Variants in WDR7 observed in about 807,000 individuals in gnomAD.
The protein encoded by WDR7 is WD repeat domain 7, also known as WD repeat-containing protein 7.
In WDR7, 46 loss-of-function variants were observed where a neutral mutation model predicts 169.4. That is an observed-to-expected ratio of 0.27 (90% CI 0.21 to 0.35). The LOEUF is 0.35. Among genes scored for constraint, WDR7 ranks in the 10% least tolerant of loss-of-function variants. The pLI, the probability that WDR7 is intolerant of heterozygous loss-of-function variation, is 1.00. For synonymous variants in WDR7, 612 were observed against 666.8 expected (o/e 0.92, Z 1.27); for missense variants, 1,534 against 1,859.3 (o/e 0.83, Z 3.22).
chr18:56,673,169 A>ACC (rs1360680554), intron 2 of WDR7, among the ~76,000 whole-genome samples: 1 of 151,454 alleles, frequency 6.6e-6, no homozygotes, highest in East Asian at 1.9e-4. Context: ...GGACACACAC[A>ACC]CACACACACA....
chr18:56,737,855 T>C (rs2026734389), intron 14 of WDR7, among the ~76,000 whole-genome samples: 1 of 152,308 alleles, frequency 6.6e-6, no homozygotes, highest in Middle Eastern at 3.4e-3. Context: ...CTTAGAAGAA[T>C]TCTTATGATA....
intron 1 of WDR7, among the ~76,000 whole-genome samples, chr18:56,654,514 A>G (rs1427554316): frequency 6.6e-6 from 1 of 151,760 alleles, no homozygotes; most frequent in Non-Finnish European, 1.5e-5. Flanking sequence ...ACCCATTTTT[A>G]TTTTGGGGTT....
intron 25 of WDR7, among the ~76,000 whole-genome samples, chr18:56,949,264 T>C (rs1465955153): frequency 6.6e-6 from 1 of 152,160 alleles, no homozygotes; most frequent in Admixed American, 6.6e-5. Context: ...AAGACCTGAG[T>C]TTTTGTTTAT....
chr18:56,671,671 A>G (rs763931899), intron 1 of WDR7, among the ~76,000 whole-genome samples: 5 of 152,234 alleles, frequency 3.3e-5, no homozygotes, highest in Non-Finnish European at 7.3e-5. Flanking sequence ...ATTTGTCATC[A>G]GTAGCCTAGC....
chr18:56,968,505 G>T (rs998641383), intron 26 of WDR7, among the ~76,000 whole-genome samples: 2 of 151,782 alleles, frequency 1.3e-5, no homozygotes, highest in Non-Finnish European at 2.9e-5. Flanking sequence ...CCTTTCTTAT[G>T]AGTCATAAAA....
At chr18:56,915,004 T>C (rs1256395960) in intron 21 of WDR7, among the ~76,000 whole-genome samples, 1 of 152,214 alleles carries the variant, frequency 6.6e-6, no homozygotes, top group Non-Finnish European at 1.5e-5. Context: ...CTTTGAAGAC[T>C]GTTTTGATTA....
intron 12 of WDR7, among the ~76,000 whole-genome samples, chr18:56,710,009 T>TG (rs2026049475): frequency 6.9e-6 from 1 of 145,638 alleles, no homozygotes. Flanking sequence ...TATAGTTGTT[T>TG]TTTTTTTTTT....
chr18:56,730,978 A>C (rs1245079416), intron 13 of WDR7, among the ~76,000 whole-genome samples: 1 of 152,162 alleles, frequency 6.6e-6, no homozygotes, highest in Non-Finnish European at 1.5e-5. Context: ...TGAGGAAAAA[A>C]ACAAATTTTA....
At chr18:56,706,396 T>C (rs748660978) in intron 12 of WDR7, among the ~76,000 whole-genome samples, 1 of 152,204 alleles carries the variant, frequency 6.6e-6, no homozygotes. Flanking sequence ...AATTGGTCAG[T>C]GAGAACAGCC....
chr18:56,969,534 G>C (rs1391798082), intron 26 of WDR7, among the ~76,000 whole-genome samples: 2 of 152,166 alleles, frequency 1.3e-5, no homozygotes, highest in Non-Finnish European at 2.9e-5. Context: ...CCTGGTTCCA[G>C]TTACATTTAT....
chr18:56,965,693 T>C (rs939428387), intron 26 of WDR7, among the ~76,000 whole-genome samples: 1 of 152,138 alleles, frequency 6.6e-6, no homozygotes, highest in Admixed American at 6.6e-5. Context: ...AAAAACTGTT[T>C]TGTGGTCCAC....
chr18:56,763,052 C>G (rs1452634808), intron 16 of WDR7, among the ~76,000 whole-genome samples: 1 of 152,086 alleles, frequency 6.6e-6, no homozygotes, highest in African/African-American at 2.4e-5. Context: ...GCTCCGCCTC[C>G]TGGGTTCATG....
In WDR7 at chr18:56,779,495, T is replaced by A; in HGVS notation, c.3012T>A (p.Phe1004Leu). The part of the protein sequence containing the change: ...MLPDLLGLDK[F>L]RPPLLEMLAR... ...CAGACCTACTGGGATTGGATAAATTTAGGCCTCCCCTTCTGGAGATGCTGG... is the reference window on the plus strand; with the variant it reads ...CAGACCTACTGGGATTGGATAAATTAAGGCCTCCCCTTCTGGAGATGCTGG... Residue 1004 changes from phenylalanine (F) to leucine (L), a missense_variant, in exon 18 of 28, where the codon TTT (phenylalanine) becomes TTA (leucine). Physicochemically the swap from Phe to Leu is conservative, Grantham distance 22. Coordinates refer to ENST00000254442, the MANE Select transcript of WDR7 (RefSeq NM_015285.3). 1 of 1,614,070 alleles carries A rather than the reference T, an allele frequency of 6.2e-7. No individual in the cohort carries two copies. Among genetic ancestry groups the A allele is most frequent in the South Asian group, 1.1e-5 (1 of 91,064 alleles).
At position 56,766,687 on chromosome 18, in the gene WDR7, A is replaced by C. The variant is rs146744067; in HGVS notation, c.2848+7734A>C. ...ATTGCAGGCATGAGTGACCATGCCC[A>C]GCTGTCATCCAATTCACTTTTAATC... is the stretch of plus-strand genomic sequence containing the variant. On this transcript the variant is annotated intron_variant, in intron 16 of 27. Transcript: ENST00000254442. Among the ~76,000 whole-genome samples the C allele has an allele frequency of 1.6e-4, 24 of 152,258 alleles. No homozygotes were observed. The East Asian group carries it at 2.9e-3, about 18-fold the overall frequency.
chr18:56,847,801 A>G (rs971921858), intron 20 of WDR7, among the ~76,000 whole-genome samples: 2 of 152,322 alleles, frequency 1.3e-5, no homozygotes, highest in Non-Finnish European at 1.5e-5. Context: ...GGTGGCTTCC[A>G]CATCGTGTTA....
chr18:57,009,849 G>A, intron 26 of WDR7: 1 of 985,362 alleles, frequency 1.0e-6, no homozygotes, highest in Non-Finnish European at 1.2e-6. Context: ...CACTATACCA[G>A]GCAAAGGAGA....
At chr18:56,673,778 C>T (rs1428077583) in intron 2 of WDR7, among the ~76,000 whole-genome samples, 3 of 151,842 alleles carry the variant, frequency 2.0e-5, no homozygotes, top group East Asian at 1.9e-4. Flanking sequence ...CCAGGCTACT[C>T]GTACCACTGC....
At chr18:56,770,219 ATAT>A (rs1025041812) in intron 16 of WDR7, among the ~76,000 whole-genome samples, 3 of 152,322 alleles carry the variant, frequency 2.0e-5, no homozygotes, top group South Asian at 4.1e-4. Flanking sequence ...ATTTATGATA[ATAT>A]TTTAATTGGT....
At chr18:56,916,417 T>G (rs560333829) in intron 21 of WDR7, among the ~76,000 whole-genome samples, 2 of 152,280 alleles carry the variant, frequency 1.3e-5, no homozygotes, top group East Asian at 1.9e-4. Flanking sequence ...GGTTTCCAGC[T>G]TCATCCATAT....
Sources: allele counts gnomAD v4.1 joint callset (sites outside exome capture counted in the v4.1 genomes callset), GRCh38; gene constraint gnomAD v4.1.1; transcripts MANE v1.5; gene names NCBI Gene and HGNC (gene_info 2026-07-23, HGNC 2026-07-21).